Variants in CELA2A observed in about 807,000 individuals in gnomAD.
CELA2A encodes chymotrypsin-like elastase family member 2A.
In CELA2A, 31 loss-of-function variants were observed where a neutral mutation model predicts 35.3. The observed-to-expected ratio is 0.88, with a 90% CI of 0.66 to 1.19. The LOEUF (loss-of-function observed/expected upper bound fraction) is 1.19, where lower values mean the gene tolerates loss of function less well. CELA2A is among the 50% of genes most tolerant of loss of function. The pLI, the probability that CELA2A is intolerant of heterozygous loss-of-function variation, is 0.00. For missense variants in CELA2A, 330 were observed against 352.9 expected (o/e 0.94, Z 0.52); for synonymous variants, 150 against 149.8 (o/e 1.00, Z -0.01).
intron 2 of CELA2A, among the ~76,000 whole-genome samples, 158 bp from the exon 3 acceptor site, chr1:15,461,403 T>C (rs755411915): frequency 2.8e-4 from 42 of 152,198 alleles, no homozygotes; most frequent in Non-Finnish European, 3.4e-4. Flanking sequence ...GTTTTTTATC[T>C]TGATGGCTGA....
Position 15,457,178 on chromosome 1 carries a change from A to G in CELA2A, c.129+4A>G. On this transcript the variant is annotated splice_donor_region_variant and intron_variant, in intron 2 of 7. Coordinates refer to ENST00000359621, the MANE Select transcript of CELA2A (RefSeq NM_033440.3). ...GCCCAACAGCTGGCCCTGGCAGGTG[A>G]GTTGACCACACTGTACTTCTCCCCG... 2 of 1,613,832 alleles carry G rather than the reference A, an allele frequency of 1.2e-6. No individual in the cohort carries two copies. The highest frequency in any genetic ancestry group is 1.7e-6 in the Non-Finnish European group (2 of 1,179,762).
intron 7 of CELA2A, among the ~76,000 whole-genome samples, chr1:15,467,780 C>A (rs1357371361): frequency 6.6e-6 from 1 of 152,162 alleles, no homozygotes; most frequent in Non-Finnish European, 1.5e-5. Context: ...AGGTTGGACA[C>A]TCCTCAGGCA....
intron 4 of CELA2A, chr1:15,463,113 C>T (rs540971068): frequency 1.1e-4 from 76 of 718,160 alleles, no homozygotes; most frequent in African/African-American, 3.6e-4. Context: ...GGCCCCTGTC[C>T]GCTGAGCATG....
chr1:15,461,586 G>A lies in CELA2A; in HGVS notation c.155G>A (p.Gly52Asp). The A allele has an allele frequency of 6.2e-7, 1 of 1,612,368 alleles. No homozygotes were observed. The highest frequency in any genetic ancestry group is 8.5e-7 in the Non-Finnish European group (1 of 1,179,962). ...WQVSLQYSSN[G>D]KWYHTCGGSL... ...GTCTCCCTGCAGTACAGCTCCAATG[G>A]CAAGTGGTACCACACCTGCGGAGGG... is the stretch of plus-strand genomic sequence containing the variant. The change falls in exon 3 of 8, where the codon GGC becomes GAC. Residue 52 changes from glycine to aspartate, a missense_variant. By Grantham distance (94) the Gly-to-Asp change is moderately conservative. Transcript: ENST00000359621.
intron 5 of CELA2A, among the ~76,000 whole-genome samples, chr1:15,465,710 A>G (rs1179203711): frequency 6.6e-6 from 1 of 152,162 alleles, no homozygotes; most frequent in African/African-American, 2.4e-5. Context: ...TTCTCCACAT[A>G]AAACAAAATG....
In CELA2A at chr1:15,457,225, A is replaced by G. The variant is rs751548056; in HGVS notation, c.129+51A>G. Reference sequence around the variant, plus strand: ...CCCGTCCCTGCCCCACTCCCTTTACATCTCCCCTTTGCCCTTCCACCATGG... The same window carrying G: ...CCCGTCCCTGCCCCACTCCCTTTACGTCTCCCCTTTGCCCTTCCACCATGG... On this transcript the variant is annotated intron_variant, in intron 2 of 7. Coordinates refer to ENST00000359621, the MANE Select transcript of CELA2A (RefSeq NM_033440.3). The G allele has an allele frequency of 5.8e-6, 9 of 1,555,634 alleles. No individual in the cohort carries two copies. The African/African-American group carries it at 9.5e-5, about 16-fold the overall frequency.
At chr1:15,462,691 G>C (rs1255156227) in intron 3 of CELA2A, 42 bp from the exon 4 acceptor site, 26 of 1,610,704 alleles carry the variant, frequency 1.6e-5, no homozygotes, top group Non-Finnish European at 2.1e-5. Context: ...CCAAAGCCAG[G>C]CCTCTGGAGG....
At chr1:15,457,308 T>C in intron 2 of CELA2A, 134 bp downstream of exon 2, 1 of 817,954 alleles carries the variant, frequency 1.2e-6, no homozygotes, top group Non-Finnish European at 2.0e-6. Flanking sequence ...CACAGGCAAC[T>C]TTAGCAATAA....
chr1:15,462,345 G>A, intron 3 of CELA2A: 1 of 395,678 alleles, frequency 2.5e-6, no homozygotes, highest in Non-Finnish European at 5.0e-6. Flanking sequence ...CTCACTAACG[G>A]TGGGACTCTG....
At chr1:15,466,953 CCTACACA>C (rs1257563561) in intron 6 of CELA2A, among the ~76,000 whole-genome samples, 3 of 152,084 alleles carry the variant, frequency 2.0e-5, no homozygotes, top group Non-Finnish European at 2.9e-5. Context: ...CACACTGTGC[CCTACACA>C]CTCTGCCCAC....
intron 5 of CELA2A, among the ~76,000 whole-genome samples, chr1:15,465,708 A>G (rs1708507312): frequency 6.6e-6 from 1 of 152,188 alleles, no homozygotes; most frequent in Non-Finnish European, 1.5e-5. Context: ...CATTCTCCAC[A>G]TAAAACAAAA....
intron 7 of CELA2A, among the ~76,000 whole-genome samples, chr1:15,470,192 G>A (rs1188189811): frequency 6.6e-6 from 1 of 152,196 alleles, no homozygotes; most frequent in African/African-American, 2.4e-5. Flanking sequence ...CCTGGCAGCA[G>A]CGGAGGAGCT....
At chr1:15,463,009 A>G (rs1187977052) in intron 4 of CELA2A, 148 bp downstream of exon 4, 5 of 1,228,100 alleles carry the variant, frequency 4.1e-6, no homozygotes, top group Admixed American at 2.0e-5. Context: ...ATGTGGAACC[A>G]GCTCCAAAGA....
intron 6 of CELA2A, among the ~76,000 whole-genome samples, chr1:15,466,499 T>C (rs1329550429): frequency 6.6e-6 from 1 of 151,932 alleles, no homozygotes; most frequent in Admixed American, 6.6e-5. Flanking sequence ...GAGGCGGAGG[T>C]TGCAGTGAGC....
At chr1:15,469,839 C>A (rs1002146005) in intron 7 of CELA2A, among the ~76,000 whole-genome samples, 1 of 152,146 alleles carries the variant, frequency 6.6e-6, no homozygotes, top group African/African-American at 2.4e-5. Context: ...CCTTTCTCAG[C>A]CAAATCCTAA....
rs1302039565 is a variant in CELA2A at position 15,472,064 on chromosome 1, T to C, written c.*57T>C. The stretch of plus-strand genomic sequence containing the variant: ...TGGAAAGGTCACAGAAGGAAAATAA[T>C]ATAATAAAGTGACAACTATGCAAAT... On this transcript the variant is annotated 3_prime_UTR_variant, in exon 8 of 8. Coordinates refer to ENST00000359621, the MANE Select transcript of CELA2A (RefSeq NM_033440.3). 3.1e-6 allele frequency: 5 copies of C among 1,603,004 alleles called. No individual in the cohort carries two copies. In the East Asian group the frequency reaches 6.7e-5, roughly 21 times the overall value.
chr1:15,468,091 T>TAAAAAA (rs35520894), intron 7 of CELA2A, among the ~76,000 whole-genome samples: 2 of 86,432 alleles, frequency 2.3e-5, no homozygotes, highest in Non-Finnish European at 2.2e-5. Context: ...AAACTCCATC[T>TAAAAAA]AAAAAAAAAA....
chr1:15,459,457 C>T (rs570638316), intron 2 of CELA2A, among the ~76,000 whole-genome samples: 2 of 152,242 alleles, frequency 1.3e-5, no homozygotes, highest in South Asian at 4.1e-4. Context: ...AGCCTCTCAA[C>T]CCAGCCTCAC....
chr1:15,468,554 C>T (rs1708551990), intron 7 of CELA2A, among the ~76,000 whole-genome samples: 1 of 152,176 alleles, frequency 6.6e-6, no homozygotes, highest in African/African-American at 2.4e-5. Flanking sequence ...TGCCTGTAAT[C>T]GCAGCACTTT....
Sources: allele counts gnomAD v4.1 joint callset (sites outside exome capture counted in the v4.1 genomes callset), GRCh38; gene constraint gnomAD v4.1.1; transcripts MANE v1.5; gene names NCBI Gene and HGNC (gene_info 2026-07-23, HGNC 2026-07-21).